Variants in TUSC3 observed in about 807,000 individuals in gnomAD.
TUSC3 encodes dolichyl-diphosphooligosaccharide--protein glycosyltransferase subunit TUSC3.
TUSC3 carries 45 observed loss-of-function variants against 44.8 expected under a neutral mutation model. That is an observed-to-expected ratio of 1.00 (90% CI 0.79 to 1.29). The LOEUF (loss-of-function observed/expected upper bound fraction) is 1.29. Ranked by LOEUF, TUSC3 falls within the 50% of genes most tolerant of loss-of-function variation. TUSC3 has a pLI of 0.00. For missense variants in TUSC3, 519 were observed against 437.9 expected (o/e 1.19, Z -1.65); for synonymous variants, 212 against 152.9 (o/e 1.39, Z -2.85).
At chr8:15,497,244 C>G (rs923676623) in intron 2 of TUSC3, among the ~76,000 whole-genome samples, 4 of 152,144 alleles carry the variant, frequency 2.6e-5, no homozygotes, top group Non-Finnish European at 5.9e-5. Flanking sequence ...AGAGTGTTAG[C>G]GTCTGCTTCC....
At chr8:15,527,422 G>T (rs1332128317) in intron 2 of TUSC3, among the ~76,000 whole-genome samples, 1 of 152,098 alleles carries the variant, frequency 6.6e-6, no homozygotes, top group Non-Finnish European at 1.5e-5. Context: ...TTGCTATGCT[G>T]TCCAGGCTGG....
chr8:15,671,569 G>T (rs1807947806), intron 5 of TUSC3, among the ~76,000 whole-genome samples: 1 of 152,016 alleles, frequency 6.6e-6, no homozygotes, highest in Non-Finnish European at 1.5e-5. Flanking sequence ...AGATGATTCT[G>T]TGTATTATTC....
At chr8:15,551,143 C>T (rs1802048695) in intron 1 of TUSC3, among the ~76,000 whole-genome samples, 1 of 151,620 alleles carries the variant, frequency 6.6e-6, no homozygotes, top group African/African-American at 2.4e-5. Context: ...ATGGTAAATG[C>T]AGAAAAAGTT....
At chr8:15,657,944 G>A (rs1807247700) in intron 3 of TUSC3, among the ~76,000 whole-genome samples, 1 of 152,230 alleles carries the variant, frequency 6.6e-6, no homozygotes, top group East Asian at 1.9e-4. Context: ...ATCATCACAT[G>A]GCATGAGGGG....
chr8:15,634,944 C>T (rs1250357276), intron 2 of TUSC3, among the ~76,000 whole-genome samples: 1 of 152,166 alleles, frequency 6.6e-6, no homozygotes, highest in Admixed American at 6.5e-5. Flanking sequence ...TGCAGGAGGG[C>T]TTAGTGTGAA....
intron 1 of TUSC3, among the ~76,000 whole-genome samples, chr8:15,619,381 T>C (rs1257958091): frequency 6.6e-6 from 1 of 152,232 alleles, no homozygotes; most frequent in Non-Finnish European, 1.5e-5. Flanking sequence ...TCATTTATAA[T>C]TGCTCTCTGC....
chr8:15,771,962 G>A, the TUSC3 span, among the ~76,000 whole-genome samples: 11 of 151,998 alleles, frequency 7.2e-5, no homozygotes, highest in East Asian at 3.9e-4. Context: ...GGTAGAGGGC[G>A]CCTGTAGTCC....
intron 2 of TUSC3, among the ~76,000 whole-genome samples, chr8:15,535,119 G>C (rs959737603): frequency 3.3e-5 from 5 of 152,156 alleles, no homozygotes; most frequent in Non-Finnish European, 7.3e-5. Flanking sequence ...CTGTTTGTAT[G>C]ATAACTTTTT....
chr8:15,709,166 T>C (rs1407664271), intron 6 of TUSC3, among the ~76,000 whole-genome samples: 2 of 151,880 alleles, frequency 1.3e-5, no homozygotes, highest in Non-Finnish European at 2.9e-5. Flanking sequence ...GTATACTGCA[T>C]CCAACATAAT....
At chr8:15,751,974 T>G (rs1811723481) in intron 9 of TUSC3, among the ~76,000 whole-genome samples, 1 of 152,166 alleles carries the variant, frequency 6.6e-6, no homozygotes, top group African/African-American at 2.4e-5. Flanking sequence ...AGTTTTAAAT[T>G]TGAGTTGTTA....
the TUSC3 span, among the ~76,000 whole-genome samples, chr8:15,789,982 C>T: frequency 5.3e-5 from 8 of 152,174 alleles, no homozygotes; most frequent in African/African-American, 1.9e-4. Flanking sequence ...AGAGCTGCTC[C>T]TTGCAGACCA....
At chr8:15,742,128 A>C (rs183536850) in intron 7 of TUSC3, among the ~76,000 whole-genome samples, 1 of 148,854 alleles carries the variant, frequency 6.7e-6, no homozygotes, top group Non-Finnish European at 1.5e-5. Context: ...GCTACTGCCT[A>C]CATGATTGAA....
chr8:15,659,589 G>A lies in TUSC3; in HGVS notation c.509G>A (p.Arg170Lys). 2 of 1,613,516 alleles carry A rather than the reference G, an allele frequency of 1.2e-6. No homozygotes were observed. Among genetic ancestry groups the A allele is most frequent in the Non-Finnish European group, 1.7e-6 (2 of 1,179,714 alleles). Residue 170 changes from arginine (R) to lysine (K), a missense_variant, in exon 4 of 11, where the codon AGA becomes AAA. Transcript: ENST00000503731. ...AGAGCTGATACTTTTGACCTCCAAA[G>A]AATTGGATTTGCAGCTGAGCAACTA... ...PKRADTFDLQ[R>K]IGFAAEQLAK... is the part of the protein sequence containing the mutation.
chr8:15,802,400 G>A, the TUSC3 span, among the ~76,000 whole-genome samples: 1 of 152,094 alleles, frequency 6.6e-6, no homozygotes, highest in African/African-American at 2.4e-5. Flanking sequence ...ATTGTATATA[G>A]GAAGAAATAT....
At chr8:15,490,118 T>C (rs1399354325) in intron 2 of TUSC3, among the ~76,000 whole-genome samples, 1 of 152,230 alleles carries the variant, frequency 6.6e-6, no homozygotes, top group Non-Finnish European at 1.5e-5. Flanking sequence ...TAGTTTGATT[T>C]GGTTTTATTT....
chr8:15,487,918 T>A (rs946145514), intron 2 of TUSC3, among the ~76,000 whole-genome samples: 2 of 145,000 alleles, frequency 1.4e-5, no homozygotes, highest in Non-Finnish European at 3.0e-5. Flanking sequence ...TTTTTTTTTT[T>A]ACTGAAAAGA....
intron 2 of TUSC3, among the ~76,000 whole-genome samples, chr8:15,484,355 C>A (rs1345847286): frequency 6.6e-6 from 1 of 152,146 alleles, no homozygotes; most frequent in African/African-American, 2.4e-5. Context: ...TAATATAGTA[C>A]TTAATTGTTT....
chr8:15,518,749 T>C (rs150985105), intron 2 of TUSC3, among the ~76,000 whole-genome samples: 380 of 152,290 alleles, frequency 2.5e-3, no homozygotes, highest in African/African-American at 8.7e-3. Flanking sequence ...ACATTTAGTA[T>C]GTACTTAAAG....
chr8:15,751,057 A>G (rs1237932286), intron 9 of TUSC3, among the ~76,000 whole-genome samples: 7 of 152,142 alleles, frequency 4.6e-5, no homozygotes, highest in South Asian at 2.1e-4. Flanking sequence ...TCTGGCTGCT[A>G]TAACAGCTCT....
Sources: gnomAD v4.1 joint callset for allele counts (sites outside exome capture counted in the v4.1 genomes callset) on GRCh38, gnomAD v4.1.1 for gene constraint, MANE v1.5 for transcripts, NCBI Gene and HGNC (gene_info 2026-07-23, HGNC 2026-07-21) for gene names.